The following CYP39A1 variants were observed in gnomAD, a reference collection of about 807,000 sequenced individuals.
CYP39A1 encodes the protein cytochrome P450 family 39 subfamily A member 1.
A neutral mutation model predicts 58.1 loss-of-function variants in CYP39A1; 49 were observed. The ratio of observed to expected loss-of-function variants is 0.84; its 90% CI spans 0.67 to 1.07. CYP39A1 has a LOEUF of 1.07. Among genes scored for constraint, CYP39A1 ranks in the 50% least tolerant of loss-of-function variants. The pLI is 0.00. For synonymous variants in CYP39A1, 209 were observed against 187.6 expected (o/e 1.11, Z -0.93); for missense variants, 531 against 539.4 (o/e 0.98, Z 0.16).
At chr6:46,642,402 A>G in intron 1 of CYP39A1, 104 bp from the exon 2 acceptor site, 4 of 1,060,042 alleles carry the variant, frequency 3.8e-6, no homozygotes, top group Non-Finnish European at 4.0e-6. Flanking sequence ...CAAAAGAAAA[A>G]TTATTATGAT....
intron 10 of CYP39A1, among the ~76,000 whole-genome samples, chr6:46,561,737 A>G (rs1770987878): frequency 6.6e-6 from 1 of 152,154 alleles, no homozygotes; most frequent in African/African-American, 2.4e-5. Context: ...GTATTCAATA[A>G]ATACTTCCTG....
intron 10 of CYP39A1, chr6:46,583,508 G>A (rs909770560): frequency 1.3e-5 from 13 of 985,176 alleles, no homozygotes; most frequent in African/African-American, 1.7e-5. Flanking sequence ...CTGCTATAAT[G>A]AGACTCTTCA....
intron 7 of CYP39A1, among the ~76,000 whole-genome samples, chr6:46,620,751 G>A (rs1207272724): frequency 6.6e-6 from 1 of 152,166 alleles, no homozygotes; most frequent in Middle Eastern, 3.2e-3. Context: ...TGCACACACA[G>A]TCCCTTAGCA....
chr6:46,573,346 A>T lies in CYP39A1; in HGVS notation c.1250+13731T>A, dbSNP rs181588030. On this transcript the variant is annotated intron_variant, in intron 10 of 11. Coordinates refer to ENST00000275016, the MANE Select transcript of CYP39A1 (RefSeq NM_016593.5). ...GTGAGTGCTATGCTAAGTGAACAGGATGTGGTGGCATAGTCTGTGCAGTTC... is the reference window on the plus strand; with the variant it reads ...GTGAGTGCTATGCTAAGTGAACAGGTTGTGGTGGCATAGTCTGTGCAGTTC... Among the ~76,000 whole-genome samples the T allele has an allele frequency of 2.0e-3, 300 of 152,204 alleles. 1 individual carries two copies. The highest frequency in any genetic ancestry group is 3.2e-3 in the Non-Finnish European group (217 of 68,000).
rs553614388 is a variant in CYP39A1, at chr6:46,555,503, C to CATCACTTGAATTGAATATA, written c.1251-1650_1251-1649insTATATTCAATTCAAGTGAT. On this transcript the variant is annotated intron_variant, in intron 10 of 11. Coordinates refer to ENST00000275016, the MANE Select transcript of CYP39A1 (RefSeq NM_016593.5). Reference sequence around the variant, plus strand: ...AATAGTGATGGAAAGTGATGCCTTCCATAGAGAAGATTCAATTTCCTGCCC... The same window carrying CATCACTTGAATTGAATATA: ...AATAGTGATGGAAAGTGATGCCTTCCATCACTTGAATTGAATATAATAGAGAAGATTCAATTTCCTGCCC... Among the ~76,000 whole-genome samples, 363 of 152,302 alleles carry CATCACTTGAATTGAATATA rather than the reference C, an allele frequency of 2.4e-3. 1 individual carries two copies. The Middle Eastern group carries it at 0.027, about 11-fold the overall frequency.
At chr6:46,570,592 T>C (rs1037636777) in intron 10 of CYP39A1, among the ~76,000 whole-genome samples, 1 of 152,134 alleles carries the variant, frequency 6.6e-6, no homozygotes, top group African/African-American at 2.4e-5. Context: ...GAAAAGAGGC[T>C]TATTTGGCTC....
chr6:46,652,160 A>G (rs1762736765), intron 1 of CYP39A1, among the ~76,000 whole-genome samples: 1 of 152,232 alleles, frequency 6.6e-6, no homozygotes, highest in African/African-American at 2.4e-5. Flanking sequence ...AAAAATACGA[A>G]AAGTTAATCT....
intron 10 of CYP39A1, among the ~76,000 whole-genome samples, chr6:46,576,315 T>C (rs1474875203): frequency 2.0e-5 from 3 of 152,096 alleles, no homozygotes; most frequent in East Asian, 1.9e-4. Flanking sequence ...GGGATGTAGA[T>C]CCAAACCATA....
chr6:46,583,288 A>T (rs765186328), intron 10 of CYP39A1: 92 of 985,364 alleles, frequency 9.3e-5, no homozygotes, highest in Middle Eastern at 5.2e-4. Context: ...TTGCACAATG[A>T]CACAGCAAAT....
chr6:46,579,569 A>C (rs1373836225), intron 10 of CYP39A1, among the ~76,000 whole-genome samples: 1 of 152,104 alleles, frequency 6.6e-6, no homozygotes, highest in Non-Finnish European at 1.5e-5. Context: ...AAATCAAACT[A>C]TCTCTCTTCA....
chr6:46,650,782 T>C (rs1310617850), intron 1 of CYP39A1, among the ~76,000 whole-genome samples: 1 of 152,118 alleles, frequency 6.6e-6, no homozygotes, highest in African/African-American at 2.4e-5. Context: ...TCCCAAAGTG[T>C]TGGGATTACA....
chr6:46,648,325 T>C (rs1394508701), intron 1 of CYP39A1, among the ~76,000 whole-genome samples: 1 of 151,882 alleles, frequency 6.6e-6, no homozygotes, highest in Non-Finnish European at 1.5e-5. Context: ...TGGAATACTA[T>C]GCAGCCATAA....
chr6:46,610,052 T>C (rs1430390007), intron 7 of CYP39A1, among the ~76,000 whole-genome samples: 4 of 152,196 alleles, frequency 2.6e-5, no homozygotes, highest in East Asian at 1.9e-4. Flanking sequence ...GTTCTCTCCA[T>C]TGAGTGCAGG....
At chr6:46,639,335 C>CA (rs530845139) in intron 3 of CYP39A1, among the ~76,000 whole-genome samples, 159 bp downstream of exon 3, 3,306 of 95,450 alleles carry the variant, frequency 0.035, 101 homozygotes, top group African/African-American at 0.09. Flanking sequence ...GACTCTATCT[C>CA]AAAAAAAAAT....
chr6:46,641,351 G>GA (rs1776325703), intron 2 of CYP39A1, among the ~76,000 whole-genome samples: 1 of 151,780 alleles, frequency 6.6e-6, no homozygotes, highest in African/African-American at 2.4e-5. Flanking sequence ...CATACAAGAA[G>GA]AAAAAATATA....
At chr6:46,601,007 T>C (rs905973842) in intron 7 of CYP39A1, among the ~76,000 whole-genome samples, 1 of 152,084 alleles carries the variant, frequency 6.6e-6, no homozygotes, top group African/African-American at 2.4e-5. Flanking sequence ...GCCCCTAACC[T>C]GTGGGTCTGT....
chr6:46,633,665 T>A (rs2150583826), intron 5 of CYP39A1, among the ~76,000 whole-genome samples: 1 of 152,296 alleles, frequency 6.6e-6, no homozygotes, highest in East Asian at 1.9e-4. Flanking sequence ...GATACCAGCC[T>A]GACCAATATG....
chr6:46,615,374 T>C (rs1232909532), intron 7 of CYP39A1, among the ~76,000 whole-genome samples: 3 of 151,994 alleles, frequency 2.0e-5, no homozygotes, highest in African/African-American at 4.8e-5. Flanking sequence ...ACACTCCTTG[T>C]CTATTCCCAG....
At position 46,565,971 on chromosome 6, in the gene CYP39A1, G is replaced by T. The variant is rs571843038; in HGVS notation, c.1251-12117C>A. On this transcript the variant is annotated intron_variant, in intron 10 of 11. Transcript: ENST00000275016. ...TCTTTTCTCAAAAGCCAGTGCCATGGTATTGGCCTCTATGCACATCTGACA... is the reference window on the plus strand; with the variant it reads ...TCTTTTCTCAAAAGCCAGTGCCATGTTATTGGCCTCTATGCACATCTGACA... Among the ~76,000 whole-genome samples, 8 of 152,310 alleles carry T rather than the reference G, an allele frequency of 5.3e-5. No homozygotes were observed. In the South Asian group the frequency reaches 1.7e-3, roughly 32 times the overall value.
Sources: allele counts gnomAD v4.1 joint callset (sites outside exome capture counted in the v4.1 genomes callset), GRCh38; gene constraint gnomAD v4.1.1; transcripts MANE v1.5; gene names NCBI Gene and HGNC (gene_info 2026-07-23, HGNC 2026-07-21).